SLIT3: variants seen among roughly 807,000 people sequenced by gnomAD.
SLIT3 encodes slit guidance ligand 3.
In SLIT3, 68 loss-of-function variants were observed where a neutral mutation model predicts 184.0. The ratio of observed to expected loss-of-function variants is 0.37; its 90% CI spans 0.30 to 0.45. SLIT3 has a LOEUF of 0.45. Among genes scored for constraint, SLIT3 ranks in the 20% least tolerant of loss-of-function variants. The pLI is 1.00. For missense variants in SLIT3, 1,707 were observed against 2,026.0 expected, an observed-to-expected ratio of 0.84 and a Z score of 3.02; for synonymous variants, 831 against 828.6, an observed-to-expected ratio of 1.00 and a Z score of -0.05.
At chr5:168,763,637 C>T (rs767369743) in intron 14 of SLIT3, among the ~76,000 whole-genome samples, 5 of 152,144 alleles carry the variant, frequency 3.3e-5, no homozygotes, top group East Asian at 1.9e-4. Flanking sequence ...AATGCCTCGG[C>T]GAGTTGCCTC....
intron 4 of SLIT3, among the ~76,000 whole-genome samples, chr5:169,146,113 C>A (rs1761915313): frequency 6.6e-6 from 1 of 152,220 alleles, no homozygotes; most frequent in South Asian, 2.1e-4. Context: ...TTGATTCTTA[C>A]AAGAACCTCA....
intron 3 of SLIT3, among the ~76,000 whole-genome samples, chr5:169,200,197 A>C (rs1763868218): frequency 6.6e-6 from 1 of 152,212 alleles, no homozygotes; most frequent in Non-Finnish European, 1.5e-5. Context: ...GGGCCTGGGC[A>C]TGGCCCACTG....
intron 4 of SLIT3, among the ~76,000 whole-genome samples, chr5:169,047,026 A>C (rs533843073): frequency 6.6e-6 from 1 of 152,296 alleles, no homozygotes; most frequent in East Asian, 1.9e-4. Context: ...AAGTTCATGA[A>C]TTTAAGGAGG....
At chr5:169,006,948 C>T (rs1755957747) in intron 4 of SLIT3, among the ~76,000 whole-genome samples, 1 of 151,260 alleles carries the variant, frequency 6.6e-6, no homozygotes, top group African/African-American at 2.4e-5. Context: ...CACCCCCCAA[C>T]TGCAACCTGT....
At chr5:169,186,867 TGA>T (rs1763359632) in intron 4 of SLIT3, among the ~76,000 whole-genome samples, 3 of 7,564 alleles carry the variant, frequency 4.0e-4, no homozygotes, top group African/African-American at 3.2e-3. Context: ...TGCTCCACCA[TGA>T]TACCATGATA....
intron 4 of SLIT3, among the ~76,000 whole-genome samples, chr5:169,099,094 C>G (rs1759907077): frequency 6.6e-6 from 1 of 152,070 alleles, no homozygotes; most frequent in East Asian, 1.9e-4. Context: ...AGCATCTTCC[C>G]TACCCCAGCC....
intron 4 of SLIT3, among the ~76,000 whole-genome samples, chr5:168,998,659 G>A (rs1032053091): frequency 6.6e-6 from 1 of 151,992 alleles, no homozygotes; most frequent in Non-Finnish European, 1.5e-5. Flanking sequence ...AGCCGAGATC[G>A]CACCATTGCA....
chr5:168,711,443 C>A (rs540761277), intron 24 of SLIT3, among the ~76,000 whole-genome samples: 1 of 152,064 alleles, frequency 6.6e-6, no homozygotes, highest in Non-Finnish European at 1.5e-5. Flanking sequence ...GTTCTGAAAC[C>A]CAGCAACCTA....
At chr5:168,912,029 A>AC (rs1457137257) in intron 4 of SLIT3, among the ~76,000 whole-genome samples, 3 of 152,080 alleles carry the variant, frequency 2.0e-5, no homozygotes, top group African/African-American at 7.2e-5. Flanking sequence ...ATTCTCTTCC[A>AC]CCACTGCCAC....
intron 4 of SLIT3, among the ~76,000 whole-genome samples, chr5:169,077,266 G>A (rs1035869007): frequency 1.3e-5 from 2 of 152,168 alleles, no homozygotes; most frequent in East Asian, 1.9e-4. Context: ...GGCCGGGCGC[G>A]GTGGCTCACA....
chr5:169,011,816 T>A (rs1305070467), intron 4 of SLIT3, among the ~76,000 whole-genome samples: 1 of 152,190 alleles, frequency 6.6e-6, no homozygotes, highest in African/African-American at 2.4e-5. Context: ...TGTTGTTAAG[T>A]ATGAATCTTG....
intron 23 of SLIT3, among the ~76,000 whole-genome samples, chr5:168,716,206 A>T (rs1762725267): frequency 6.6e-6 from 1 of 152,018 alleles, no homozygotes; most frequent in South Asian, 2.1e-4. Context: ...CGATCTCTTG[A>T]CCTTGGGATC....
chr5:169,219,758 T>G (rs926495454), intron 3 of SLIT3, among the ~76,000 whole-genome samples: 1 of 152,212 alleles, frequency 6.6e-6, no homozygotes, highest in African/African-American at 2.4e-5. Flanking sequence ...CACATGGAAA[T>G]TCAAAAGATG....
chr5:168,775,630 G>C (rs1215446742), intron 12 of SLIT3, among the ~76,000 whole-genome samples: 2 of 152,148 alleles, frequency 1.3e-5, no homozygotes, highest in African/African-American at 4.8e-5. Flanking sequence ...TGGCACCAAT[G>C]ACAGCCATTT....
intron 4 of SLIT3, among the ~76,000 whole-genome samples, chr5:169,095,698 G>A (rs1367136239): frequency 1.3e-5 from 2 of 152,196 alleles, no homozygotes; most frequent in Non-Finnish European, 1.5e-5. Context: ...ACCTTCTCCT[G>A]CCTTCAATGG....
intron 4 of SLIT3, among the ~76,000 whole-genome samples, chr5:168,962,739 C>T (rs1256320132): frequency 1.3e-5 from 2 of 151,326 alleles, no homozygotes; most frequent in East Asian, 3.9e-4. Flanking sequence ...ATGAAGAAAG[C>T]TGGGAGGGAT....
chr5:168,742,511 C>T (rs1396758023), intron 20 of SLIT3, among the ~76,000 whole-genome samples: 2 of 118,582 alleles, frequency 1.7e-5, no homozygotes, highest in South Asian at 2.9e-4. Context: ...GGACTCACCA[C>T]GGCCTTTGAG....
chr5:168,893,261 A>C (rs11134546), intron 4 of SLIT3, among the ~76,000 whole-genome samples: 1 of 151,972 alleles, frequency 6.6e-6, no homozygotes, highest in Non-Finnish European at 1.5e-5. Context: ...CGTTTTGTTT[A>C]TCTCTTATTG....
intron 4 of SLIT3, chr5:169,022,621 C>A (rs960480801): frequency 1.3e-5 from 2 of 152,114 alleles, no homozygotes; most frequent in African/African-American, 2.4e-5. Context: ...ACTGAAAACT[C>A]AAGAAAGGTT....
Sources: gnomAD v4.1 joint callset for allele counts (sites outside exome capture counted in the v4.1 genomes callset) on GRCh38, gnomAD v4.1.1 for gene constraint, MANE v1.5 for transcripts, NCBI Gene and HGNC (gene_info 2026-07-23, HGNC 2026-07-21) for gene names.